Variants in KIAA2012 observed in about 807,000 individuals in gnomAD.
The protein encoded by KIAA2012 is KIAA2012.
Under a neutral mutation model 150.6 loss-of-function variants are expected in KIAA2012, and 125 were observed. The ratio of observed to expected loss-of-function variants is 0.83; its 90% CI spans 0.72 to 0.96. KIAA2012 has a LOEUF of 0.96. Among genes scored for constraint, KIAA2012 ranks in the 40% least tolerant of loss-of-function variants. The pLI, the probability that KIAA2012 is intolerant of heterozygous loss-of-function variation, is 0.00. For synonymous variants in KIAA2012, 462 were observed against 504.7 expected, an observed-to-expected ratio of 0.92 and a Z score of 1.13; for missense variants, 1,219 against 1,354.9, an observed-to-expected ratio of 0.90 and a Z score of 1.57.
chr2:202,181,231 A>C (rs1692113156), intron 15 of KIAA2012, among the ~76,000 whole-genome samples: 1 of 152,110 alleles, frequency 6.6e-6, no homozygotes, highest in African/African-American at 2.4e-5. Context: ...CAGCCTCCCA[A>C]AGTCCTGGGA....
chr2:202,123,922 C>T (rs1459574765), intron 11 of KIAA2012, among the ~76,000 whole-genome samples: 2 of 152,170 alleles, frequency 1.3e-5, no homozygotes, highest in Non-Finnish European at 1.5e-5. Context: ...GGCATGGTGG[C>T]TCACACCTGT....
At chr2:202,142,384 T>C (rs989144118) in intron 13 of KIAA2012, among the ~76,000 whole-genome samples, 3 of 152,130 alleles carry the variant, frequency 2.0e-5, no homozygotes, top group South Asian at 4.1e-4. Flanking sequence ...AAGGAAATAA[T>C]TCAACAGAAA....
chr2:202,078,875 C>G (rs567849682), intron 2 of KIAA2012, among the ~76,000 whole-genome samples: 48 of 152,222 alleles, frequency 3.2e-4, no homozygotes, highest in African/African-American at 1.2e-3. Flanking sequence ...GAAAACATCA[C>G]CTCTCTAATA....
At chr2:202,143,551 C>CT (rs11345113) in intron 13 of KIAA2012, among the ~76,000 whole-genome samples, 2,384 of 134,238 alleles carry the variant, frequency 0.018, 42 homozygotes, top group African/African-American at 0.053. Flanking sequence ...TTTTCCTGGG[C>CT]TTTTTTTTTT....
intron 15 of KIAA2012, among the ~76,000 whole-genome samples, chr2:202,168,291 T>C (rs1014787297): frequency 6.6e-6 from 1 of 151,196 alleles, no homozygotes; most frequent in Non-Finnish European, 1.5e-5. Context: ...TGGTGGCACG[T>C]GCCTGTAGTC....
intron 12 of KIAA2012, among the ~76,000 whole-genome samples, chr2:202,135,481 A>C (rs1359824449): frequency 6.6e-6 from 1 of 152,160 alleles, no homozygotes; most frequent in Non-Finnish European, 1.5e-5. Context: ...TACCACCCCC[A>C]CTGTTCTGTC....
At chr2:202,203,573 T>C (rs1007986400) in intron 23 of KIAA2012, among the ~76,000 whole-genome samples, 1 of 152,208 alleles carries the variant, frequency 6.6e-6, no homozygotes, top group Non-Finnish European at 1.5e-5. Flanking sequence ...AAGTGCTCAG[T>C]GGTCATGTGT....
At chr2:202,159,939 G>A (rs1447041349) in intron 14 of KIAA2012, among the ~76,000 whole-genome samples, 1 of 152,216 alleles carries the variant, frequency 6.6e-6, no homozygotes, top group Non-Finnish European at 1.5e-5. Context: ...GTTCACATCT[G>A]TAAAGGACTC....
intron 16 of KIAA2012, 130 bp from the exon 17 acceptor site, chr2:202,186,803 T>C: frequency 2.6e-6 from 2 of 779,362 alleles, no homozygotes; most frequent in Non-Finnish European, 3.9e-6. Context: ...AGAAAAAGAG[T>C]TGACTAAGTA....
At chr2:202,167,701 A>G (rs1691801096) in intron 15 of KIAA2012, among the ~76,000 whole-genome samples, 1 of 151,916 alleles carries the variant, frequency 6.6e-6, no homozygotes, top group Non-Finnish European at 1.5e-5. Flanking sequence ...TTAATTAGCC[A>G]GGCATGGTAG....
At chr2:202,178,467 G>T (rs1457395237) in intron 15 of KIAA2012, among the ~76,000 whole-genome samples, 1 of 152,116 alleles carries the variant, frequency 6.6e-6, no homozygotes, top group Non-Finnish European at 1.5e-5. Flanking sequence ...AACTGGGAAG[G>T]TTTCAATTCT....
intron 1 of KIAA2012, among the ~76,000 whole-genome samples, chr2:202,074,403 G>A (rs1038716286): frequency 3.3e-5 from 5 of 152,154 alleles, no homozygotes; most frequent in Non-Finnish European, 7.3e-5. Flanking sequence ...TACAAGATAT[G>A]TAACTGCTTT....
chr2:202,119,627 C>A (rs1690611658), intron 11 of KIAA2012, among the ~76,000 whole-genome samples: 1 of 152,130 alleles, frequency 6.6e-6, no homozygotes, highest in Non-Finnish European at 1.5e-5. Context: ...TCTCTGAACC[C>A]AACTAACTCT....
intron 11 of KIAA2012, among the ~76,000 whole-genome samples, chr2:202,117,276 A>G (rs540834412): frequency 1.5e-3 from 233 of 152,384 alleles, no homozygotes; most frequent in Non-Finnish European, 2.6e-3. Flanking sequence ...TTTGGTTGAC[A>G]GAAAGATGAG....
intron 19 of KIAA2012, 64 bp downstream of exon 19, chr2:202,190,557 A>G (rs938388264): frequency 2.1e-5 from 26 of 1,245,930 alleles, no homozygotes; most frequent in Non-Finnish European, 2.8e-5. Flanking sequence ...GACTGCAAAG[A>G]TGGGAAAGCT....
At chr2:202,099,489 TC>T in intron 5 of KIAA2012, 123 bp from the exon 6 acceptor site, 1 of 719,872 alleles carries the variant, frequency 1.4e-6, no homozygotes. Flanking sequence ...TTATTTTTCT[TC>T]CCAACCTGCA....
At chr2:202,102,190 G>GCACA (rs57274823) in intron 7 of KIAA2012, among the ~76,000 whole-genome samples, 19,856 of 150,584 alleles carry the variant, frequency 0.13, 4,276 homozygotes, top group African/African-American at 0.45. Flanking sequence ...ACACATACAC[G>GCACA]CACACACACA....
chr2:202,099,789 T>C lies in KIAA2012; in HGVS notation c.1005T>C (p.Asp335=). Residue 335 remains aspartate (D), a synonymous_variant, in exon 6 of 24, where the codon GAT becomes GAC. Coordinates refer to ENST00000498697, the MANE Select transcript of KIAA2012 (RefSeq NM_001277372.4). The part of the protein sequence containing the change: ...CGGAFPNRKA[D]LSDKQRNVKL... ...GCGCCTTCCCTAATAGGAAGGCAGA[T>C]CTCAGCGGTAAGAACTCAAATGTCT... The C allele has an allele frequency of 6.5e-7, 1 of 1,549,252 alleles. No individual in the cohort carries two copies. The highest frequency in any genetic ancestry group is 8.7e-7 in the Non-Finnish European group (1 of 1,146,488).
At chr2:202,073,928 G>C (rs1689264257) in intron 1 of KIAA2012, among the ~76,000 whole-genome samples, 1 of 151,180 alleles carries the variant, frequency 6.6e-6, no homozygotes, top group Non-Finnish European at 1.5e-5. Context: ...CTTTCCCCTT[G>C]TAGCTGTCTT....
Sources: gnomAD v4.1 joint callset for allele counts (sites outside exome capture counted in the v4.1 genomes callset) on GRCh38, gnomAD v4.1.1 for gene constraint, MANE v1.5 for transcripts, NCBI Gene and HGNC (gene_info 2026-07-23, HGNC 2026-07-21) for gene names.